The following MANEA variants were observed in gnomAD, a reference collection of about 807,000 sequenced individuals.
The protein encoded by MANEA is mannosidase endo-alpha.
Under a neutral mutation model 36.8 loss-of-function variants are expected in MANEA, and 25 were observed. The observed-to-expected ratio is 0.68, with a 90% CI of 0.50 to 0.95. MANEA has a LOEUF of 0.95. Ranked by LOEUF, MANEA falls within the 40% of genes least tolerant of loss-of-function variation. MANEA has a pLI of 0.00. For missense variants in MANEA, 565 were observed against 558.8 expected (o/e 1.01, Z -0.11); for synonymous variants, 198 against 188.5 (o/e 1.05, Z -0.41).
At chr6:95,594,560 G>GT (rs1769450784) in intron 2 of MANEA, among the ~76,000 whole-genome samples, 1 of 152,146 alleles carries the variant, frequency 6.6e-6, no homozygotes, top group African/African-American at 2.4e-5. Context: ...CTGTTGTCTT[G>GT]TTTCTGCCAA....
chr6:95,602,261 A>T (rs2127944964), intron 3 of MANEA, among the ~76,000 whole-genome samples: 1 of 152,322 alleles, frequency 6.6e-6, no homozygotes, highest in East Asian at 1.9e-4. Flanking sequence ...AAGAAGAAGG[A>T]TGAAGTATTA....
chr6:95,585,621 A>ATT (rs2127938900), intron 1 of MANEA, among the ~76,000 whole-genome samples: 1 of 152,232 alleles, frequency 6.6e-6, no homozygotes, highest in Non-Finnish European at 1.5e-5. Flanking sequence ...AGCCTAATGA[A>ATT]TTTTTTGAAA....
rs760697211 is a variant in MANEA, at chr6:95,578,169, A to G, written c.-39+531A>G. ...GAGACCGCCCGATGGCGAGGCCGCT[A>G]GAGATGGTTTTTCAGTTCACCTGTT... On this transcript the variant is annotated intron_variant, in intron 1 of 4. Coordinates refer to ENST00000358812, the MANE Select transcript of MANEA (RefSeq NM_024641.4). Among the ~76,000 whole-genome samples, 71 of 152,082 alleles carry G rather than the reference A, an allele frequency of 4.7e-4. 1 individual carries two copies. The highest frequency in any genetic ancestry group is 8.5e-4 in the Non-Finnish European group (58 of 68,020).
At chr6:95,594,965 ATATAATAATAATGGT>A (rs1769457990) in intron 2 of MANEA, among the ~76,000 whole-genome samples, 1 of 152,036 alleles carries the variant, frequency 6.6e-6, no homozygotes, top group Non-Finnish European at 1.5e-5. Context: ...CCCGTGTTTT[ATATAATAATAATGGT>A]TATTTTCATG....
In MANEA at chr6:95,607,498, C is replaced by A. The variant is rs184994633; in HGVS notation, c.*1093C>A. 1 of 151,892 alleles carries A rather than the reference C, an allele frequency of 6.6e-6. No individual in the cohort carries two copies. The highest frequency in any genetic ancestry group is 1.9e-4 in the East Asian group (1 of 5,180). The allele number at this position is 151,892 out of a possible 1,614,324, so 9.4% of individuals were successfully genotyped here. A position where few individuals can be genotyped will look rare whatever the true frequency, so the allele number is the denominator to read the frequency against. On this transcript the variant is annotated 3_prime_UTR_variant, in exon 5 of 5. Transcript: ENST00000358812. ...AAATTATTTTATGTCTAGAGTAGGTCCTGAAGTTTGGCTTTACATTAAGTT... is the reference window on the plus strand; with the variant it reads ...AAATTATTTTATGTCTAGAGTAGGTACTGAAGTTTGGCTTTACATTAAGTT...
intron 1 of MANEA, among the ~76,000 whole-genome samples, chr6:95,580,686 C>A (rs5000127): frequency 0.6 from 88,328 of 147,074 alleles, 26,747 homozygotes; most frequent in East Asian, 0.87. Flanking sequence ...GATAGTGCCA[C>A]TGCACTCCAG....
At chr6:95,585,169 G>T (rs975549417) in intron 1 of MANEA, among the ~76,000 whole-genome samples, 1 of 151,736 alleles carries the variant, frequency 6.6e-6, no homozygotes, top group Non-Finnish European at 1.5e-5. Flanking sequence ...CAACAATAAT[G>T]TCTTTTCTTA....
intron 1 of MANEA, among the ~76,000 whole-genome samples, chr6:95,584,410 G>A (rs1769240750): frequency 6.6e-6 from 1 of 152,126 alleles, no homozygotes; most frequent in African/African-American, 2.4e-5. Flanking sequence ...TCTATAAGCG[G>A]CCGCTCTGGG....
chr6:95,587,039 G>T, intron 2 of MANEA, 56 bp downstream of exon 2: 1 of 1,008,644 alleles, frequency 9.9e-7, no homozygotes, highest in South Asian at 1.5e-5. Flanking sequence ...GCATATAAAT[G>T]ATTTTTTGTG....
In MANEA at chr6:95,607,278, T is replaced by G. The variant is rs890561877; in HGVS notation, c.*873T>G. On this transcript the variant is annotated 3_prime_UTR_variant, in exon 5 of 5. Coordinates refer to ENST00000358812, the MANE Select transcript of MANEA (RefSeq NM_024641.4). ...TGTAGATATGATGCCCAAATATCATTTTTAGTATATCTTGTCGATCTTTAA... is the reference window on the plus strand; with the variant it reads ...TGTAGATATGATGCCCAAATATCATGTTTAGTATATCTTGTCGATCTTTAA... 11 of 152,118 alleles carry G rather than the reference T, an allele frequency of 7.2e-5. No individual in the cohort carries two copies. Among genetic ancestry groups the G allele is most frequent in the Non-Finnish European group, 1.3e-4 (9 of 67,982 alleles). The allele number at this position is 152,118 out of a possible 1,614,324, so 9.4% of individuals were successfully genotyped here.
At position 95,604,887 on chromosome 6, in the gene MANEA, A is replaced by G; in HGVS notation, c.715A>G (p.Lys239Glu). 1 of 1,421,732 alleles carries G rather than the reference A, an allele frequency of 7.0e-7. No homozygotes were observed. Among genetic ancestry groups the G allele is most frequent in the Non-Finnish European group, 9.6e-7 (1 of 1,042,078 alleles). The allele number at this position is 1,421,732 out of a possible 1,614,324, so 88.1% of individuals were successfully genotyped here. Residue 239 changes from lysine to glutamate, a missense_variant, in exon 4 of 5, where the codon AAG (lysine) becomes GAG (glutamate). Coordinates refer to ENST00000358812, the MANE Select transcript of MANEA (RefSeq NM_024641.4). ...TGATCAAAACATGTACAAAAATGTC[A>G]AGTATATTATAGACAAGTGAGTTTC... ...RDDQNMYKNV[K>E]YIIDKYGNHP... is the part of the protein sequence containing the mutation.
rs552863549 is a variant in MANEA, at chr6:95,588,413, ATTTAAC to A, written c.544+1435_544+1440del. Among the ~76,000 whole-genome samples, 167 of 152,126 alleles carry A rather than the reference ATTTAAC, an allele frequency of 1.1e-3. 1 individual carries two copies. Among genetic ancestry groups the A allele is most frequent in the Non-Finnish European group, 1.6e-3 (109 of 67,876 alleles). On this transcript the variant is annotated intron_variant, in intron 2 of 4. Coordinates refer to ENST00000358812, the MANE Select transcript of MANEA (RefSeq NM_024641.4). ...CTAACTTTTTTCAAGTATTTATAAA[ATTTAAC>A]TTTATAGTATAGTTAGAGATTTAGT...
Position 95,587,164 on chromosome 6 carries a change from C to A in MANEA, c.544+181C>A, listed in dbSNP as rs997542241. ...CAGGCAACCACATTTTAACACTGCCCTTAGTGTATATTGTTTAATTTTTAC... is the reference window on the plus strand; with the variant it reads ...CAGGCAACCACATTTTAACACTGCCATTAGTGTATATTGTTTAATTTTTAC... On this transcript the variant is annotated intron_variant, in intron 2 of 4. Transcript: ENST00000358812. The A allele has an allele frequency of 1.1e-5, 6 of 539,448 alleles. No homozygotes were observed. In the Admixed American group the frequency reaches 2.0e-4, roughly 18 times the overall value. 33.4% of individuals were successfully genotyped at this position (539,448 alleles called of 1,614,324 possible).
chr6:95,579,203 TCTCTA>T (rs1295058662), intron 1 of MANEA, among the ~76,000 whole-genome samples: 1 of 152,158 alleles, frequency 6.6e-6, no homozygotes, highest in Non-Finnish European at 1.5e-5. Context: ...TGAAACCCTG[TCTCTA>T]CTAAAAATAC....
chr6:95,604,061 G>GTGTGTGTGTGT (rs1769656129), intron 3 of MANEA, among the ~76,000 whole-genome samples: 1 of 138,316 alleles, frequency 7.2e-6, no homozygotes, highest in East Asian at 2.1e-4. Flanking sequence ...TATGTATGTA[G>GTGTGTGTGTGT]GTGTGTGTGT....
chr6:95,600,225 C>G (rs1314324530), intron 3 of MANEA, among the ~76,000 whole-genome samples: 1 of 152,058 alleles, frequency 6.6e-6, no homozygotes. Context: ...GATTTTATAT[C>G]TAATGATCAG....
At chr6:95,593,058 C>G (rs903439674) in intron 2 of MANEA, among the ~76,000 whole-genome samples, 1 of 152,122 alleles carries the variant, frequency 6.6e-6, no homozygotes. Context: ...CAAAGAGCAT[C>G]CTAGAGTTTG....
rs2127946562 is a variant in MANEA at position 95,606,762 on chromosome 6, A to G, written c.*357A>G. 6.5e-6 allele frequency: 1 copy of G among 154,534 alleles called. No individual in the cohort carries two copies. Among genetic ancestry groups the G allele is most frequent in the African/African-American group, 2.4e-5 (1 of 41,628 alleles). The allele number at this position is 154,534 out of a possible 1,614,324, so 9.6% of individuals were successfully genotyped here. On this transcript the variant is annotated 3_prime_UTR_variant, in exon 5 of 5. Transcript: ENST00000358812. Reference sequence around the variant, plus strand: ...TAAATTATATTTACATCCTAGACCCAAATAAATAGGATTGTGTGTATATTT... The same window carrying G: ...TAAATTATATTTACATCCTAGACCCGAATAAATAGGATTGTGTGTATATTT...
intron 3 of MANEA, among the ~76,000 whole-genome samples, chr6:95,599,660 T>C (rs6903580): frequency 0.43 from 65,318 of 152,082 alleles, 14,431 homozygotes; most frequent in Middle Eastern, 0.59. Flanking sequence ...TAATTTTCCT[T>C]TTGCAGCCTA....
Sources: gnomAD v4.1 joint callset for allele counts (sites outside exome capture counted in the v4.1 genomes callset) on GRCh38, gnomAD v4.1.1 for gene constraint, MANE v1.5 for transcripts, NCBI Gene and HGNC (gene_info 2026-07-23, HGNC 2026-07-21) for gene names.